Variants in PHLDB3 observed in about 807,000 individuals in gnomAD.
PHLDB3 encodes pleckstrin homology-like domain family B member 3.
Under a neutral mutation model 85.7 loss-of-function variants are expected in PHLDB3, and 86 were observed. The ratio of observed to expected loss-of-function variants is 1.00; its 90% CI spans 0.84 to 1.20. The LOEUF (loss-of-function observed/expected upper bound fraction) is 1.20. PHLDB3 is among the 50% of genes most tolerant of loss of function. The probability of loss-of-function intolerance (pLI) is 0.00; values close to 1 mark genes in which losing one functional copy is unlikely to be tolerated. For synonymous variants in PHLDB3, 376 were observed against 349.8 expected, an observed-to-expected ratio of 1.07 and a Z score of -0.83; for missense variants, 995 against 873.0, an observed-to-expected ratio of 1.14 and a Z score of -1.76.
intron 15 of PHLDB3, among the ~76,000 whole-genome samples, chr19:43,476,973 TAAAA>T (rs777663885): frequency 1.4e-5 from 2 of 140,416 alleles, no homozygotes; most frequent in South Asian, 2.2e-4. Flanking sequence ...ATTTAAAAAA[TAAAA>T]AAAAAAAAAC....
At chr19:43,495,716 C>A in intron 6 of PHLDB3, 96 bp from the exon 7 acceptor site, 1 of 1,476,342 alleles carries the variant, frequency 6.8e-7, no homozygotes, top group Non-Finnish European at 9.0e-7. Flanking sequence ...TTTACTCCAG[C>A]CACTCCCAGA....
rs892318951 is a variant in PHLDB3, at chr19:43,479,255, C to G, written c.1702+122G>C. On this transcript the variant is annotated intron_variant, in intron 14 of 15. Coordinates refer to ENST00000292140, the MANE Select transcript of PHLDB3 (RefSeq NM_198850.4). ...GTAGGGAAGTTAGGAGCTAGGGAAC[C>G]AAACTTCTGGATCCTGGGGAACATG... 6 of 1,060,820 alleles carry G rather than the reference C, an allele frequency of 5.7e-6. No homozygotes were observed. In the African/African-American group the frequency reaches 8.0e-5, roughly 14 times the overall value. The allele number at this position is 1,060,820 out of a possible 1,614,324, so 65.7% of individuals were successfully genotyped here.
At chr19:43,504,481 T>G in intron 1 of PHLDB3, 108 bp downstream of exon 1, 1 of 306,660 alleles carries the variant, frequency 3.3e-6, no homozygotes, top group Non-Finnish European at 6.0e-6. Flanking sequence ...GCGACCCATC[T>G]TCTCCCTCCG....
Position 43,497,757 on chromosome 19 carries a change from A to G in PHLDB3, c.654T>C (p.Gly218=). 1 of 1,551,906 alleles carries G rather than the reference A, an allele frequency of 6.4e-7. No individual in the cohort carries two copies. The highest frequency in any genetic ancestry group is 8.7e-7 in the Non-Finnish European group (1 of 1,147,208). Residue 218 remains glycine (G), a synonymous_variant, in exon 5 of 16, where the codon GGT becomes GGC. Coordinates refer to ENST00000292140, the MANE Select transcript of PHLDB3 (RefSeq NM_198850.4). ...PEDQRERLLQ[G]VQEMREQLDV... ...AACCAGATGCCATTACCTCCTGCAC[A>G]CCCTGCAGAAGCCGCTCGCGTTGGT... is the stretch of plus-strand genomic sequence containing the variant.
rs1395676039 is a variant in PHLDB3, at chr19:43,497,890, A to C, written c.535-14T>G. 6.3e-7 allele frequency: 1 copy of C among 1,588,482 alleles called. No individual in the cohort carries two copies. The highest frequency in any genetic ancestry group is 8.6e-7 in the Non-Finnish European group (1 of 1,168,476). ...CCGCCTCTGTTCCTGAAAGAACAAC[A>C]AGGTTCTCACCCTCAGCTTAAGCAT... On this transcript the variant is annotated splice_polypyrimidine_tract_variant and intron_variant, in intron 4 of 15. Coordinates refer to ENST00000292140, the MANE Select transcript of PHLDB3 (RefSeq NM_198850.4).
Position 43,475,284 on chromosome 19 carries a change from G to C in PHLDB3, c.*126C>G. On this transcript the variant is annotated 3_prime_UTR_variant, in exon 16 of 16. Transcript: ENST00000292140. ...GGCCAGCTGAACTGCCGCGCCTGCG[G>C]AATTCCCGGGAGAGTTCCAAAGCGG... 1 of 1,325,284 alleles carries C rather than the reference G, an allele frequency of 7.5e-7. No individual in the cohort carries two copies. Among genetic ancestry groups the C allele is most frequent in the Non-Finnish European group, 1.0e-6 (1 of 983,570 alleles). The allele number at this position is 1,325,284 out of a possible 1,614,324, so 82.1% of individuals were successfully genotyped here. A position where few individuals can be genotyped will look rare whatever the true frequency, so the allele number is the denominator to read the frequency against.
intron 13 of PHLDB3, among the ~76,000 whole-genome samples, chr19:43,483,188 T>C (rs906920240): frequency 6.6e-6 from 1 of 152,094 alleles, no homozygotes; most frequent in Non-Finnish European, 1.5e-5. Flanking sequence ...CTGGTGCATG[T>C]GGAAAAGTAT....
In PHLDB3 at chr19:43,475,542, G is replaced by C; in HGVS notation, c.1791C>G (p.Ser597Arg). ...CGCAGAAGGTCAGGCGGGGGTTGGG[G>C]CTCTGGAATAAGCAGAAAGTGAGGG... ...YYDHLRCAFK[S>R]PNPRLTFCVK... is the part of the protein sequence containing the mutation. Residue 597 changes from serine to arginine, a missense_variant and splice_region_variant, in exon 16 of 16, where the codon AGC (serine) becomes AGG (arginine). Transcript: ENST00000292140. 6.2e-7 allele frequency: 1 copy of C among 1,613,852 alleles called. No homozygotes were observed. Among genetic ancestry groups the C allele is most frequent in the Non-Finnish European group, 8.5e-7 (1 of 1,179,832 alleles).
At chr19:43,498,767 A>G (rs1391361239) in intron 4 of PHLDB3, among the ~76,000 whole-genome samples, 1 of 152,206 alleles carries the variant, frequency 6.6e-6, no homozygotes, top group African/African-American at 2.4e-5. Flanking sequence ...TCAAAACAAA[A>G]CAAAACAATC....
At chr19:43,477,202 C>T (rs936088817) in intron 15 of PHLDB3, among the ~76,000 whole-genome samples, 4 of 152,176 alleles carry the variant, frequency 2.6e-5, no homozygotes, top group African/African-American at 9.7e-5. Context: ...CATATTTTGG[C>T]TCTAAAACTT....
chr19:43,480,206 C>A (rs566034052), intron 13 of PHLDB3, among the ~76,000 whole-genome samples: 5 of 145,504 alleles, frequency 3.4e-5, no homozygotes, highest in Non-Finnish European at 7.4e-5. Context: ...GTGGGAGGAT[C>A]CCTTGATCCC....
chr19:43,493,731 C>G (rs1181452955), intron 9 of PHLDB3, among the ~76,000 whole-genome samples: 1 of 152,136 alleles, frequency 6.6e-6, no homozygotes, highest in Non-Finnish European at 1.5e-5. Flanking sequence ...ATTACACATT[C>G]TATGCATGTA....
At chr19:43,478,382 C>T (rs1406264358) in intron 14 of PHLDB3, among the ~76,000 whole-genome samples, 1 of 152,072 alleles carries the variant, frequency 6.6e-6, no homozygotes, top group South Asian at 2.1e-4. Context: ...AATGCTCGGC[C>T]TCTGAGAAGG....
rs1340206719 is a variant in PHLDB3 at position 43,487,031 on chromosome 19, A to G, written c.1242T>C (p.His414=). ...QRGSPRPLSF[H]CTESLEASAL... is the part of the protein sequence containing the mutation. ...GAACAGGGGGATCCTCACCAGTACAATGGAAGGACAGAGGTCGGGGGGATC... is the reference window on the plus strand; with the variant it reads ...GAACAGGGGGATCCTCACCAGTACAGTGGAAGGACAGAGGTCGGGGGGATC... The change falls in exon 10 of 16, where the codon CAT becomes CAC. Residue 414 remains histidine (H), a synonymous_variant. Coordinates refer to ENST00000292140, the MANE Select transcript of PHLDB3 (RefSeq NM_198850.4). 6.4e-7 allele frequency: 1 copy of G among 1,567,090 alleles called. No individual in the cohort carries two copies. The highest frequency in any genetic ancestry group is 8.6e-7 in the Non-Finnish European group (1 of 1,159,256).
At chr19:43,496,314 C>T (rs369193057) in intron 6 of PHLDB3, 7 of 152,032 alleles carry the variant, frequency 4.6e-5, no homozygotes, top group East Asian at 1.9e-4. Flanking sequence ...CGAGCCCGGC[C>T]GAGCTTTCTA....
Position 43,475,228 on chromosome 19 carries a change from A to G in PHLDB3, c.*182T>C, listed in dbSNP as rs568123170. On this transcript the variant is annotated 3_prime_UTR_variant, in exon 16 of 16. Transcript: ENST00000292140. ...GGGGCCGGCGATCCCGTCGGGGGCAAGGCACCTGCAACCCAGAACGCAGCA... is the reference window on the plus strand; with the variant it reads ...GGGGCCGGCGATCCCGTCGGGGGCAGGGCACCTGCAACCCAGAACGCAGCA... 34 of 792,994 alleles carry G rather than the reference A, an allele frequency of 4.3e-5. 1 individual carries two copies. The South Asian group carries it at 6.6e-4, about 15-fold the overall frequency. The allele number at this position is 792,994 out of a possible 1,614,324, so 49.1% of individuals were successfully genotyped here. A position where few individuals can be genotyped will look rare whatever the true frequency, so the allele number is the denominator to read the frequency against.
Position 43,475,290 on chromosome 19 carries a change from C to T in PHLDB3, c.*120G>A, listed in dbSNP as rs1264655329. On this transcript the variant is annotated 3_prime_UTR_variant, in exon 16 of 16. Transcript: ENST00000292140. ...CTGAACTGCCGCGCCTGCGGAATTCCCGGGAGAGTTCCAAAGCGGTGCGTC... is the reference window on the plus strand; with the variant it reads ...CTGAACTGCCGCGCCTGCGGAATTCTCGGGAGAGTTCCAAAGCGGTGCGTC... 7.3e-7 allele frequency: 1 copy of T among 1,367,278 alleles called. No individual in the cohort carries two copies. Among genetic ancestry groups the T allele is most frequent in the Non-Finnish European group, 9.9e-7 (1 of 1,014,814 alleles). 84.7% of individuals were successfully genotyped at this position (1,367,278 alleles called of 1,614,324 possible).
intron 9 of PHLDB3, among the ~76,000 whole-genome samples, chr19:43,490,454 G>A (rs758261359): frequency 7.2e-5 from 11 of 152,068 alleles, no homozygotes; most frequent in Non-Finnish European, 1.5e-4. Context: ...TTGGGGGGCT[G>A]AGGCAGGAGA....
chr19:43,504,095 C>G lies in PHLDB3; in HGVS notation c.24G>C (p.Glu8Asp). 1 of 1,606,486 alleles carries G rather than the reference C, an allele frequency of 6.2e-7. No individual in the cohort carries two copies. Among genetic ancestry groups the G allele is most frequent in the Non-Finnish European group, 8.5e-7 (1 of 1,176,998 alleles). The change falls in exon 2 of 16, where the codon GAG (glutamate) becomes GAC (aspartate). Residue 8 changes from glutamate to aspartate, a missense_variant. Physicochemically the swap from Glu to Asp is conservative, Grantham distance 45. Coordinates refer to ENST00000292140, the MANE Select transcript of PHLDB3 (RefSeq NM_198850.4). ...GGACCAGCGGCGGCGGGGTCCCCTC[C>G]TCGGGGCTGCTTCGCGTCCCCATGG... The part of the protein sequence containing the change: MGTRSSP[E>D]EGTPPPLVPE...
Sources: gnomAD v4.1 joint callset for allele counts (sites outside exome capture counted in the v4.1 genomes callset) on GRCh38, gnomAD v4.1.1 for gene constraint, MANE v1.5 for transcripts, NCBI Gene and HGNC (gene_info 2026-07-23, HGNC 2026-07-21) for gene names.